The following ADGRL2 variants were observed in gnomAD, a reference collection of about 807,000 sequenced individuals.
ADGRL2 encodes the protein calcium-independent alpha-latrotoxin receptor 2.
In ADGRL2, 44 loss-of-function variants were observed where a neutral mutation model predicts 157.4. The observed-to-expected ratio is 0.28, with a 90% CI of 0.22 to 0.36. The LOEUF (loss-of-function observed/expected upper bound fraction) is 0.36, where lower values mean the gene tolerates loss of function less well. ADGRL2 is among the 10% of genes least tolerant of loss of function. The probability of loss-of-function intolerance (pLI) is 1.00; values close to 1 mark genes in which losing one functional copy is unlikely to be tolerated. For missense variants in ADGRL2, 1,510 were observed against 1,768.9 expected, an observed-to-expected ratio of 0.85 and a Z score of 2.63; for synonymous variants, 585 against 624.7, an observed-to-expected ratio of 0.94 and a Z score of 0.95.
chr1:81,453,821 A>G (rs1160560207), intron 2 of ADGRL2, among the ~76,000 whole-genome samples: 1 of 152,224 alleles, frequency 6.6e-6, no homozygotes, highest in Non-Finnish European at 1.5e-5. Context: ...CCTTAAGGAC[A>G]AAACACATAA....
chr1:81,764,043 T>G (rs182794568), intron 2 of ADGRL2, among the ~76,000 whole-genome samples: 80 of 135,372 alleles, frequency 5.9e-4, no homozygotes, highest in African/African-American at 2.0e-3. Context: ...GAAACAAAAA[T>G]TAGCCAGGCT....
intron 11 of ADGRL2, among the ~76,000 whole-genome samples, chr1:81,957,534 AC>A (rs1653919779): frequency 6.6e-6 from 1 of 151,938 alleles, no homozygotes; most frequent in Admixed American, 6.6e-5. Context: ...CCCAATCTTT[AC>A]AAAAAATACG....
intron 17 of ADGRL2, among the ~76,000 whole-genome samples, chr1:81,974,154 A>T (rs1261013478): frequency 6.6e-6 from 1 of 152,210 alleles, no homozygotes; most frequent in African/African-American, 2.4e-5. Context: ...ATAGGTGTAC[A>T]TTCTAAATAA....
chr1:81,443,159 A>G (rs59410744), intron 1 of ADGRL2, among the ~76,000 whole-genome samples: 3,595 of 152,280 alleles, frequency 0.024, 71 homozygotes, highest in African/African-American at 0.042. Flanking sequence ...GGTGGCTCAC[A>G]TCTGTAATCC....
rs1287960019 is a variant in ADGRL2, at chr1:81,589,448, A to G, written c.-143+8468A>G. ...CCCCCCTCCCTAATGGGTATTAAAA[A>G]TAACACATTTGCCAGAACAATAACC... On this transcript the variant is annotated intron_variant, in intron 3 of 24. Transcript: ENST00000370721. 2.6e-5 allele frequency among the ~76,000 whole-genome samples: 4 copies of G among 152,172 alleles called. No homozygotes were observed. The East Asian group carries it at 5.8e-4, about 22-fold the overall frequency.
intron 1 of ADGRL2, among the ~76,000 whole-genome samples, chr1:81,827,082 C>A (rs903805531): frequency 6.6e-6 from 1 of 151,888 alleles, no homozygotes; most frequent in African/African-American, 2.4e-5. Flanking sequence ...GAGGGGAGTC[C>A]GCATATAGGG....
chr1:81,712,011 G>A (rs1423589584), intron 1 of ADGRL2, among the ~76,000 whole-genome samples: 1 of 152,204 alleles, frequency 6.6e-6, no homozygotes, highest in Non-Finnish European at 1.5e-5. Context: ...GGACACCCAA[G>A]TGTCCGCCAA....
chr1:81,813,659 T>C (rs2090098892), intron 1 of ADGRL2, among the ~76,000 whole-genome samples: 1 of 151,800 alleles, frequency 6.6e-6, no homozygotes, highest in South Asian at 2.1e-4. Context: ...CAAATGCTTC[T>C]TTTCCATACA....
intron 1 of ADGRL2, among the ~76,000 whole-genome samples, chr1:81,745,460 G>A (rs1049123620): frequency 4.6e-5 from 7 of 152,118 alleles, no homozygotes; most frequent in Admixed American, 2.6e-4. Context: ...GAGTTTTGCC[G>A]ATAGTCAACA....
intron 1 of ADGRL2, among the ~76,000 whole-genome samples, chr1:81,826,821 C>T (rs979540210): frequency 2.6e-5 from 4 of 152,062 alleles, no homozygotes; most frequent in Non-Finnish European, 4.4e-5. Context: ...CAGTCAAACA[C>T]CTAGATTATT....
intron 1 of ADGRL2, among the ~76,000 whole-genome samples, chr1:81,384,048 G>A (rs541656034): frequency 1.1e-4 from 16 of 151,984 alleles, no homozygotes; most frequent in African/African-American, 3.6e-4. Context: ...ATCCAAACTA[G>A]AAAAGGCACA....
chr1:81,381,725 G>T (rs578054703), intron 1 of ADGRL2, among the ~76,000 whole-genome samples: 41 of 152,262 alleles, frequency 2.7e-4, no homozygotes, highest in African/African-American at 9.6e-4. Context: ...TTGATGAATA[G>T]ATTTTATAAT....
chr1:81,987,132 A>C, intron 22 of ADGRL2, 103 bp downstream of exon 22: 1 of 1,432,122 alleles, frequency 7.0e-7, no homozygotes, highest in Non-Finnish European at 9.5e-7. Context: ...ATTTATTGTT[A>C]CATTCTTAAT....
intron 2 of ADGRL2, chr1:81,502,426 T>A (rs901527594): frequency 1.1e-4 from 171 of 1,613,888 alleles, no homozygotes; most frequent in Non-Finnish European, 1.4e-4. Flanking sequence ...TGGACGGTGA[T>A]CCTGAAAGGA....
At chr1:81,661,226 C>T (rs2082644021) in intron 3 of ADGRL2, among the ~76,000 whole-genome samples, 1 of 152,036 alleles carries the variant, frequency 6.6e-6, no homozygotes, top group African/African-American at 2.4e-5. Flanking sequence ...AGGAAATTAA[C>T]AAGTGATACT....
At chr1:81,622,010 A>G (rs1014012666) in intron 3 of ADGRL2, among the ~76,000 whole-genome samples, 1 of 152,164 alleles carries the variant, frequency 6.6e-6, no homozygotes, top group Non-Finnish European at 1.5e-5. Context: ...TTCAGTTATC[A>G]TTTGAAGTCC....
At chr1:81,948,275 AAC>A (rs1292874928) in intron 6 of ADGRL2, among the ~76,000 whole-genome samples, 2 of 152,038 alleles carry the variant, frequency 1.3e-5, no homozygotes, top group African/African-American at 4.8e-5. Flanking sequence ...CAAAAAAAAA[AAC>A]AATGGAAACA....
chr1:81,776,464 G>C (rs956423637), intron 2 of ADGRL2, among the ~76,000 whole-genome samples: 2 of 152,140 alleles, frequency 1.3e-5, no homozygotes, highest in Admixed American at 1.3e-4. Context: ...TGGGATTATA[G>C]GCATGAGCCA....
upstream of ADGRL2, among the ~76,000 whole-genome samples, chr1:81,797,252 C>T (rs1046186812): frequency 6.6e-6 from 1 of 152,086 alleles, no homozygotes. Context: ...AGTCATTCCA[C>T]GTGTTTTTTG....
Sources: gnomAD v4.1 joint callset for allele counts (sites outside exome capture counted in the v4.1 genomes callset) on GRCh38, gnomAD v4.1.1 for gene constraint, MANE v1.5 for transcripts, NCBI Gene and HGNC (gene_info 2026-07-23, HGNC 2026-07-21) for gene names.